Variants in NRG3 observed in about 807,000 individuals in gnomAD.
The protein encoded by NRG3 is neuregulin 3.
NRG3 carries 31 observed loss-of-function variants against 66.9 expected under a neutral mutation model. That is an observed-to-expected ratio of 0.46 (90% CI 0.35 to 0.63). The LOEUF (loss-of-function observed/expected upper bound fraction) is 0.63. Ranked by LOEUF, NRG3 falls within the 20% of genes least tolerant of loss-of-function variation. The probability of loss-of-function intolerance (pLI) is 0.00; values close to 1 mark genes in which losing one functional copy is unlikely to be tolerated. For missense variants in NRG3, 910 were observed against 878.9 expected (o/e 1.04, Z -0.45); for synonymous variants, 393 against 359.4 (o/e 1.09, Z -1.06).
intron 1 of NRG3, among the ~76,000 whole-genome samples, chr10:82,199,522 A>G (rs1264014256): frequency 1.3e-5 from 2 of 152,184 alleles, no homozygotes; most frequent in African/African-American, 2.4e-5. Context: ...TAATACACCA[A>G]TTTATTTATG....
At chr10:82,220,538 G>A (rs1166730636) in intron 1 of NRG3, among the ~76,000 whole-genome samples, 1 of 152,042 alleles carries the variant, frequency 6.6e-6, no homozygotes. Flanking sequence ...AGGTTTGGGG[G>A]CAGGCATTTA....
chr10:82,197,519 G>A (rs2074511706), intron 1 of NRG3, among the ~76,000 whole-genome samples: 1 of 152,082 alleles, frequency 6.6e-6, no homozygotes, highest in Admixed American at 6.5e-5. Context: ...AGTGCAATGT[G>A]TTTGTATTAT....
chr10:82,551,606 G>GGT (rs1554960637), intron 2 of NRG3, among the ~76,000 whole-genome samples: 2 of 146,758 alleles, frequency 1.4e-5, no homozygotes, highest in African/African-American at 5.0e-5. Flanking sequence ...TTAAAATACT[G>GGT]TTTTTTTTTT....
At chr10:82,901,402 A>C (rs987998002) in intron 4 of NRG3, among the ~76,000 whole-genome samples, 7 of 152,100 alleles carry the variant, frequency 4.6e-5, no homozygotes, top group Non-Finnish European at 5.9e-5. Context: ...AGAGAGGTGG[A>C]AAAATGGTGA....
At chr10:82,759,858 A>C (rs746944409) in intron 3 of NRG3, among the ~76,000 whole-genome samples, 17 of 152,230 alleles carry the variant, frequency 1.1e-4, no homozygotes, top group Middle Eastern at 3.4e-3. Context: ...CTATTGATGA[A>C]ATAATAAGAA....
chr10:82,837,932 G>A (rs551837587), intron 3 of NRG3, among the ~76,000 whole-genome samples: 22 of 152,202 alleles, frequency 1.4e-4, no homozygotes, highest in Non-Finnish European at 2.5e-4. Context: ...CTGCATGTAC[G>A]CATTCTCAGA....
chr10:82,561,757 CACCATATTCTCT>C (rs1269701366), intron 2 of NRG3, among the ~76,000 whole-genome samples: 3 of 152,274 alleles, frequency 2.0e-5, no homozygotes, highest in Non-Finnish European at 4.4e-5. Context: ...TCCAATTCTC[CACCATATTCTCT>C]GTCTCATGCA....
intron 2 of NRG3, among the ~76,000 whole-genome samples, chr10:82,621,179 A>G (rs1333697903): frequency 6.6e-6 from 1 of 152,172 alleles, no homozygotes; most frequent in Non-Finnish European, 1.5e-5. Context: ...AACTTGAAGT[A>G]TTGTCTTTTC....
intron 1 of NRG3, among the ~76,000 whole-genome samples, chr10:82,089,548 G>A (rs998769893): frequency 6.6e-6 from 1 of 152,194 alleles, no homozygotes; most frequent in Non-Finnish European, 1.5e-5. Flanking sequence ...TAGACAATGA[G>A]ATAGCTAGGA....
chr10:81,989,696 G>T (rs925491063), intron 1 of NRG3, among the ~76,000 whole-genome samples: 2 of 152,132 alleles, frequency 1.3e-5, no homozygotes, highest in African/African-American at 4.8e-5. Flanking sequence ...GCCCAGAGGG[G>T]CAAAACTCTC....
chr10:82,590,932 C>T (rs1303836139), intron 2 of NRG3, among the ~76,000 whole-genome samples: 3 of 152,198 alleles, frequency 2.0e-5, no homozygotes, highest in East Asian at 3.9e-4. Context: ...TTCAGGGCTA[C>T]AGACCAAGAT....
intron 1 of NRG3, among the ~76,000 whole-genome samples, chr10:82,271,810 A>G (rs2078611418): frequency 6.6e-6 from 1 of 152,122 alleles, no homozygotes; most frequent in Non-Finnish European, 1.5e-5. Flanking sequence ...CTCTTAGATT[A>G]TCACACTTTA....
At chr10:82,329,806 G>A (rs2082053782) in intron 1 of NRG3, among the ~76,000 whole-genome samples, 2 of 152,126 alleles carry the variant, frequency 1.3e-5, no homozygotes, top group South Asian at 4.2e-4. Flanking sequence ...ATAGACTCCT[G>A]GAAACCAAAA....
chr10:82,154,993 G>A (rs1289134034), intron 1 of NRG3, among the ~76,000 whole-genome samples: 1 of 151,768 alleles, frequency 6.6e-6, no homozygotes, highest in East Asian at 1.9e-4. Context: ...TCAGCAAACG[G>A]AGACAATTTC....
At chr10:82,173,067 C>T (rs2072754573) in intron 1 of NRG3, among the ~76,000 whole-genome samples, 1 of 152,010 alleles carries the variant, frequency 6.6e-6, no homozygotes, top group Non-Finnish European at 1.5e-5. Flanking sequence ...AAATGCTTTG[C>T]TTGGTTTTCA....
intron 2 of NRG3, among the ~76,000 whole-genome samples, chr10:82,409,605 A>G (rs193254210): frequency 6.6e-6 from 1 of 152,272 alleles, no homozygotes; most frequent in African/African-American, 2.4e-5. Flanking sequence ...TGTCAGAAAA[A>G]ACAACTTTCT....
intron 2 of NRG3, among the ~76,000 whole-genome samples, chr10:82,639,670 C>T (rs1354075973): frequency 6.6e-6 from 1 of 152,142 alleles, no homozygotes; most frequent in African/African-American, 2.4e-5. Context: ...AGAAGCTATG[C>T]TCTTGTTTAT....
intron 1 of NRG3, among the ~76,000 whole-genome samples, chr10:82,307,801 T>C (rs2080825402): frequency 6.6e-6 from 1 of 152,046 alleles, no homozygotes; most frequent in South Asian, 2.1e-4. Flanking sequence ...TTAATTATTT[T>C]CCCTGAATTT....
chr10:82,743,064 G>A (rs1160199035), intron 3 of NRG3, among the ~76,000 whole-genome samples: 2 of 151,972 alleles, frequency 1.3e-5, no homozygotes, highest in African/African-American at 2.4e-5. Flanking sequence ...GCAAGGGCAC[G>A]CCTCCTCACA....
Sources: gnomAD v4.1 joint callset for allele counts (sites outside exome capture counted in the v4.1 genomes callset) on GRCh38, gnomAD v4.1.1 for gene constraint, MANE v1.5 for transcripts, NCBI Gene and HGNC (gene_info 2026-07-23, HGNC 2026-07-21) for gene names.